AFF2: variants seen among roughly 807,000 people sequenced by gnomAD.
AFF2 encodes the protein AF4/FMR2 family member 2.
Under a neutral mutation model 76.9 loss-of-function variants are expected in AFF2, and 14 were observed. The observed-to-expected ratio is 0.18, with a 90% CI of 0.12 to 0.28. The LOEUF is 0.28. AFF2 is among the 10% of genes least tolerant of loss of function. The probability of loss-of-function intolerance (pLI) is 1.00; values close to 1 mark genes in which losing one functional copy is unlikely to be tolerated. For synonymous variants in AFF2, 398 were observed against 366.7 expected, an observed-to-expected ratio of 1.09 and a Z score of -0.98; for missense variants, 868 against 1,001.1, an observed-to-expected ratio of 0.87 and a Z score of 1.79.
intron 3 of AFF2, among the ~76,000 whole-genome samples, chrX:148,693,710 TC>T (rs1385136604): frequency 8.9e-6 from 1 of 111,964 alleles, no homozygotes; most frequent in Non-Finnish European, 1.9e-5. Flanking sequence ...GATATAATTC[TC>T]CCTTCTGTAC....
chrX:148,882,724 C>A (rs1051785550), intron 7 of AFF2, among the ~76,000 whole-genome samples: 3 of 111,840 alleles, frequency 2.7e-5, no homozygotes, highest in East Asian at 5.7e-4. Context: ...AATCTAATAT[C>A]TTTCATAATC....
intron 4 of AFF2, among the ~76,000 whole-genome samples, chrX:148,819,860 G>A (rs1051887512): frequency 9.0e-6 from 1 of 111,425 alleles, no homozygotes; most frequent in African/African-American, 3.3e-5. Context: ...GTTCCAGCAC[G>A]ATTTATTGAA....
chrX:148,968,029 C>T (rs782079191), intron 15 of AFF2, among the ~76,000 whole-genome samples: 29 of 111,337 alleles, frequency 2.6e-4, no homozygotes, highest in Non-Finnish European at 4.9e-4. Flanking sequence ...CTTTTTTGGT[C>T]CAGTAAGCCA....
chrX:148,888,948 C>G lies in AFF2; in HGVS notation c.1359+2963C>G, dbSNP rs1450042159. On this transcript the variant is annotated intron_variant, in intron 8 of 20. Transcript: ENST00000370460. ...GCTGACATAATAGTTAGAAATGGCT[C>G]AGAACCCAGTGGCTGCATTCGTGCA... Among the ~76,000 whole-genome samples, 3 of 111,679 alleles carry G rather than the reference C, an allele frequency of 2.7e-5. No homozygotes were observed. The Admixed American group carries it at 2.9e-4, about 11-fold the overall frequency.
At chrX:148,514,783 G>C (rs1258583452) in intron 1 of AFF2, among the ~76,000 whole-genome samples, 1 of 112,039 alleles carries the variant, frequency 8.9e-6, no homozygotes, top group Non-Finnish European at 1.9e-5. Context: ...TGTTTTATTT[G>C]GTTCCTTGAA....
chrX:148,543,587 A>G (rs1233981327), intron 1 of AFF2, among the ~76,000 whole-genome samples: 2 of 112,063 alleles, frequency 1.8e-5, no homozygotes, highest in Admixed American at 9.4e-5. Flanking sequence ...AGCCTTCCGC[A>G]TGACAGCATG....
At chrX:148,630,462 T>G (rs2053968862) in intron 1 of AFF2, among the ~76,000 whole-genome samples, 1 of 112,022 alleles carries the variant, frequency 8.9e-6, no homozygotes. Flanking sequence ...CCCTGATAGT[T>G]GCAGGTGGGA....
intron 12 of AFF2, among the ~76,000 whole-genome samples, chrX:148,959,615 C>T (rs1224691017): frequency 8.9e-6 from 1 of 112,442 alleles, no homozygotes; most frequent in Non-Finnish European, 1.9e-5. Flanking sequence ...GGGCTGCCCC[C>T]TGCCCCCAGG....
chrX:148,693,410 G>T (rs1419441753), intron 3 of AFF2, among the ~76,000 whole-genome samples: 2 of 112,088 alleles, frequency 1.8e-5, no homozygotes, highest in African/African-American at 3.2e-5. Flanking sequence ...GAAAGAGGCA[G>T]GGATCTGGGA....
intron 4 of AFF2, among the ~76,000 whole-genome samples, chrX:148,819,853 C>A (rs1480417965): frequency 9.0e-6 from 1 of 111,359 alleles, no homozygotes; most frequent in Admixed American, 9.5e-5. Context: ...ACATTATGTT[C>A]CAGCACGATT....
intron 3 of AFF2, among the ~76,000 whole-genome samples, chrX:148,803,060 A>G (rs555561640): frequency 2.1e-3 from 231 of 111,419 alleles, no homozygotes; most frequent in Middle Eastern, 0.019. Context: ...TTGATCCTAA[A>G]TGGTCTTTGG....
At chrX:148,868,573 G>A (rs2070935527) in intron 7 of AFF2, among the ~76,000 whole-genome samples, 1 of 112,316 alleles carries the variant, frequency 8.9e-6, no homozygotes, top group South Asian at 3.7e-4. Flanking sequence ...AAATGATCAA[G>A]CTTGCTTGCT....
intron 1 of AFF2, among the ~76,000 whole-genome samples, chrX:148,619,370 A>G (rs1346568485): frequency 1.8e-5 from 2 of 111,951 alleles, no homozygotes; most frequent in African/African-American, 6.5e-5. Flanking sequence ...GACCAAATAC[A>G]TAGCTGAGCC....
In AFF2 at chrX:148,999,272, A is replaced by G. The variant is rs1431241017; in HGVS notation, c.*7940A>G. ...AGGCACATTCACGTCTCGTGTACTC[A>G]TATGAAGTATTTCCTAACATTCCCA... On this transcript the variant is annotated 3_prime_UTR_variant, in exon 21 of 21. Coordinates refer to ENST00000370460, the MANE Select transcript of AFF2 (RefSeq NM_002025.4). 1 of 111,472 alleles carries G rather than the reference A, an allele frequency of 9.0e-6. No individual in the cohort carries two copies. The highest frequency in any genetic ancestry group is 3.8e-4 in the South Asian group (1 of 2,651). The allele number at this position is 111,472 out of a possible 1,213,427, so 9.2% of individuals were successfully genotyped here. A position where few individuals can be genotyped will look rare whatever the true frequency, so the allele number is the denominator to read the frequency against.
At chrX:148,713,804 G>A (rs782763130) in intron 3 of AFF2, among the ~76,000 whole-genome samples, 4 of 111,588 alleles carry the variant, frequency 3.6e-5, no homozygotes, top group Non-Finnish European at 5.7e-5. Context: ...AGAAATGCAC[G>A]AAGGGGACAT....
At chrX:148,928,647 T>C (rs1470820513) in intron 9 of AFF2, among the ~76,000 whole-genome samples, 1 of 112,063 alleles carries the variant, frequency 8.9e-6, no homozygotes, top group African/African-American at 3.2e-5. Context: ...GGGGAGCCCA[T>C]AGAGGCTCCA....
chrX:148,671,817 A>G (rs1231226218), intron 3 of AFF2, among the ~76,000 whole-genome samples: 1 of 110,360 alleles, frequency 9.1e-6, no homozygotes, highest in Non-Finnish European at 1.9e-5. Context: ...ATTTTACCAG[A>G]AAGTACCAAA....
At chrX:148,684,677 C>T (rs1557260192) in intron 3 of AFF2, among the ~76,000 whole-genome samples, 2 of 111,983 alleles carry the variant, frequency 1.8e-5, no homozygotes, top group Non-Finnish European at 3.8e-5. Flanking sequence ...TGGAGCTAAG[C>T]TCCTAAGATT....
chrX:148,965,345 A>G (rs2072159070), intron 13 of AFF2, among the ~76,000 whole-genome samples: 1 of 112,232 alleles, frequency 8.9e-6, no homozygotes, highest in Non-Finnish European at 1.9e-5. Flanking sequence ...AAGATGAAAT[A>G]GAGGAATTGT....
Sources: allele counts gnomAD v4.1 joint callset (sites outside exome capture counted in the v4.1 genomes callset), GRCh38; gene constraint gnomAD v4.1.1; transcripts MANE v1.5; gene names NCBI Gene and HGNC (gene_info 2026-07-23, HGNC 2026-07-21).